UVRAG: variants seen among roughly 807,000 people sequenced by gnomAD.
UVRAG encodes UV radiation resistance associated, also known as UV radiation resistance-associated gene protein.
UVRAG carries 19 observed loss-of-function variants against 78.0 expected under a neutral mutation model. The observed-to-expected ratio is 0.24, with a 90% CI of 0.17 to 0.36. UVRAG has a LOEUF of 0.36. UVRAG is among the 10% of genes least tolerant of loss of function. The pLI, the probability that UVRAG is intolerant of heterozygous loss-of-function variation, is 1.00. For missense variants in UVRAG, 740 were observed against 853.8 expected (o/e 0.87, Z 1.66); for synonymous variants, 323 against 324.6 (o/e 1.00, Z 0.05).
In UVRAG at chr11:75,893,670, C is replaced by CAAAA. The variant is rs1048785134; in HGVS notation, c.507+4791_507+4794dup. Among the ~76,000 whole-genome samples the CAAAA allele has an allele frequency of 4.4e-3, 264 of 60,384 alleles. 10 individuals are homozygous for CAAAA. Among genetic ancestry groups the CAAAA allele is most frequent in the African/African-American group, 0.012 (222 of 18,176 alleles). 39.6% of individuals were successfully genotyped at this position (60,384 alleles called of 152,430 possible). On this transcript the variant is annotated intron_variant, in intron 5 of 14. Transcript: ENST00000356136. ...TAACATAATGAAATACTATCTCTAC[C>CAAAA]AAAAAAAAAAAAAAAAAAAAAAAAA...
chr11:76,125,667 A>G (rs1020914356), intron 14 of UVRAG, among the ~76,000 whole-genome samples: 1 of 152,154 alleles, frequency 6.6e-6, no homozygotes, highest in Non-Finnish European at 1.5e-5. Flanking sequence ...CTCTGAACCA[A>G]ATTGAGAGCT....
intron 3 of UVRAG, among the ~76,000 whole-genome samples, chr11:75,864,252 C>T (rs1277282638): frequency 6.6e-6 from 1 of 152,122 alleles, no homozygotes; most frequent in Non-Finnish European, 1.5e-5. Flanking sequence ...GACAGGGTTT[C>T]ACCATGTTAC....
In UVRAG at chr11:75,880,047, T is replaced by G; in HGVS notation, c.432+7T>G. 1.2e-6 allele frequency: 2 copies of G among 1,613,682 alleles called. No homozygotes were observed. Among genetic ancestry groups the G allele is most frequent in the Non-Finnish European group, 1.7e-6 (2 of 1,179,698 alleles). On this transcript the variant is annotated splice_region_variant and intron_variant, in intron 4 of 14. Transcript: ENST00000356136. ...GAAATACTTGGGTCAGCAGGTAATT[T>G]TTAGACTGTAGTTTCAAGTAGTTGT...
rs180679122 is a variant in UVRAG at position 76,004,213 on chromosome 11, C to A, written c.911+124C>A. 673 of 876,738 alleles carry A rather than the reference C, an allele frequency of 7.7e-4. 9 individuals are homozygous for A. The South Asian group carries it at 7.7e-3, about 10-fold the overall frequency. 54.3% of individuals were successfully genotyped at this position (876,738 alleles called of 1,614,324 possible). ...AGCCCATATACCTCAGTACCACATT[C>A]GTTTATTCAACACATATTCATTAAT... On this transcript the variant is annotated intron_variant, in intron 9 of 14. Transcript: ENST00000356136.
intron 1 of UVRAG, among the ~76,000 whole-genome samples, chr11:75,842,154 T>C (rs1461796826): frequency 6.6e-6 from 1 of 152,182 alleles, no homozygotes; most frequent in African/African-American, 2.4e-5. Flanking sequence ...TCACCTTTCA[T>C]GATTTAGCCT....
At chr11:75,846,464 C>A (rs1946035715) in intron 1 of UVRAG, among the ~76,000 whole-genome samples, 1 of 152,172 alleles carries the variant, frequency 6.6e-6, no homozygotes, top group South Asian at 2.1e-4. Context: ...AAAGTCCTCA[C>A]AAACCCAAGA....
chr11:76,027,053 C>G (rs1950338835), intron 12 of UVRAG, among the ~76,000 whole-genome samples: 1 of 151,824 alleles, frequency 6.6e-6, no homozygotes, highest in Non-Finnish European at 1.5e-5. Flanking sequence ...CTGATTGAAC[C>G]CTTCATTTCA....
At chr11:76,110,095 C>A (rs1952043658) in intron 13 of UVRAG, among the ~76,000 whole-genome samples, 1 of 152,060 alleles carries the variant, frequency 6.6e-6, no homozygotes, top group Admixed American at 6.6e-5. Context: ...TCTTCCTTTT[C>A]TGCCCCCCAT....
rs528632034 is a variant in UVRAG at position 75,892,334 on chromosome 11, T to A, written c.507+3431T>A. On this transcript the variant is annotated intron_variant, in intron 5 of 14. Coordinates refer to ENST00000356136, the MANE Select transcript of UVRAG (RefSeq NM_003369.4). ...AACTGCAGATGCTCCTTTCATGACC[T>A]TTTCTCCTGAGAAATGGAGTGGGGC... 4.1e-6 allele frequency: 4 copies of A among 985,350 alleles called. No homozygotes were observed. In the African/African-American group the frequency reaches 7.0e-5, roughly 17 times the overall value. 61.0% of individuals were successfully genotyped at this position (985,350 alleles called of 1,614,324 possible).
chr11:75,963,260 C>T (rs1312310691), intron 7 of UVRAG, among the ~76,000 whole-genome samples: 2 of 152,112 alleles, frequency 1.3e-5, no homozygotes, highest in Middle Eastern at 3.2e-3. Flanking sequence ...AAAGTGTTTG[C>T]CACACAGTAG....
At chr11:76,020,401 AT>A (rs1950223368) in intron 12 of UVRAG, among the ~76,000 whole-genome samples, 1 of 152,160 alleles carries the variant, frequency 6.6e-6, no homozygotes, top group African/African-American at 2.4e-5. Context: ...CTGTCTAGCT[AT>A]TACTCCTGGT....
chr11:75,983,416 A>C lies in UVRAG; in HGVS notation c.729A>C (p.Lys243Asn), dbSNP rs1949432541. 1.2e-6 allele frequency: 2 copies of C among 1,604,014 alleles called. No homozygotes were observed. The highest frequency in any genetic ancestry group is 1.7e-6 in the Non-Finnish European group (2 of 1,175,660). ...LKKKSECLQLKILVLQNELER... is the reference protein window; with the variant it reads ...LKKKSECLQLNILVLQNELER... ...AAAAAAGTGAATGCCTGCAGTTAAA[A>C]ATTTTGGTGCTTCAGAATGAACTGG... Residue 243 changes from lysine to asparagine, a missense_variant, in exon 8 of 15, where the codon AAA (lysine) becomes AAC (asparagine). Coordinates refer to ENST00000356136, the MANE Select transcript of UVRAG (RefSeq NM_003369.4).
chr11:75,836,083 G>A (rs1409481277), intron 1 of UVRAG, among the ~76,000 whole-genome samples: 1 of 151,730 alleles, frequency 6.6e-6, no homozygotes, highest in East Asian at 1.9e-4. Flanking sequence ...CCTGGAGACA[G>A]TGAGACTCTG....
intron 13 of UVRAG, among the ~76,000 whole-genome samples, chr11:76,098,542 A>G (rs1951826579): frequency 1.3e-5 from 2 of 152,226 alleles, no homozygotes; most frequent in Admixed American, 6.6e-5. Context: ...GAATTTTTGG[A>G]GTTAGCTAGG....
chr11:75,954,358 A>G (rs893325066), intron 6 of UVRAG, among the ~76,000 whole-genome samples: 3 of 152,178 alleles, frequency 2.0e-5, no homozygotes, highest in Admixed American at 6.5e-5. Flanking sequence ...GGTTGTTTGC[A>G]TAGTACCAGT....
chr11:76,055,090 C>T (rs1173032611), intron 12 of UVRAG, among the ~76,000 whole-genome samples: 1 of 152,192 alleles, frequency 6.6e-6, no homozygotes, highest in Non-Finnish European at 1.5e-5. Flanking sequence ...TCCTGTCACT[C>T]AGACTGGAGT....
intron 4 of UVRAG, among the ~76,000 whole-genome samples, chr11:75,885,261 T>C (rs766487458): frequency 6.6e-6 from 1 of 152,122 alleles, no homozygotes; most frequent in Non-Finnish European, 1.5e-5. Context: ...GTAGATTGCT[T>C]ACATGGGTCA....
At chr11:75,957,586 G>A (rs1948826082) in intron 6 of UVRAG, among the ~76,000 whole-genome samples, 1 of 151,878 alleles carries the variant, frequency 6.6e-6, no homozygotes. Flanking sequence ...AAAATCCTTT[G>A]GGACCGTGAT....
chr11:75,869,656 T>A lies in UVRAG; in HGVS notation c.270+7876T>A, dbSNP rs1235405225. 2.6e-5 allele frequency among the ~76,000 whole-genome samples: 4 copies of A among 152,242 alleles called. 1 individual carries two copies. Among genetic ancestry groups the A allele is most frequent in the Admixed American group, 2.6e-4 (4 of 15,288 alleles). On this transcript the variant is annotated intron_variant, in intron 3 of 14. Coordinates refer to ENST00000356136, the MANE Select transcript of UVRAG (RefSeq NM_003369.4). Reference sequence around the variant, plus strand: ...CATGAAAACATGTAAAAGTGTTATTTATGTTAGTTTGGAGGGAGAAGTTAG... The same window carrying A: ...CATGAAAACATGTAAAAGTGTTATTAATGTTAGTTTGGAGGGAGAAGTTAG...
Sources: gnomAD v4.1 joint callset for allele counts (sites outside exome capture counted in the v4.1 genomes callset) on GRCh38, gnomAD v4.1.1 for gene constraint, MANE v1.5 for transcripts, NCBI Gene and HGNC (gene_info 2026-07-23, HGNC 2026-07-21) for gene names.